The following MLLT1 variants were observed in gnomAD, a reference collection of about 807,000 sequenced individuals.
MLLT1 encodes MLLT1 super elongation complex subunit.
MLLT1 carries 11 observed loss-of-function variants against 55.1 expected under a neutral mutation model. That is an observed-to-expected ratio of 0.20 (90% confidence interval 0.13 to 0.33). MLLT1 has a LOEUF of 0.33. Among genes scored for constraint, MLLT1 ranks in the 10% least tolerant of loss-of-function variants. MLLT1 has a pLI of 1.00. For synonymous variants in MLLT1, 323 were observed against 320.1 expected, an observed-to-expected ratio of 1.01 and a Z score of -0.10; for missense variants, 536 against 760.6, an observed-to-expected ratio of 0.70 and a Z score of 3.47.
chr19:6,228,248 C>T lies in MLLT1; in HGVS notation c.421-1146G>A, dbSNP rs1477602334. Among the ~76,000 whole-genome samples, 10 of 152,352 alleles carry T rather than the reference C, an allele frequency of 6.6e-5. No individual in the cohort carries two copies. The East Asian group carries it at 9.7e-4, about 15-fold the overall frequency. On this transcript the variant is annotated intron_variant, in intron 4 of 11. Coordinates refer to ENST00000252674, the MANE Select transcript of MLLT1 (RefSeq NM_005934.4). ...GCCACAGAAGGCTGCCATGCACAGA[C>T]GGGCTTGCCAGGAGGCTGAGCCCCA...
rs1420544312 is a variant in MLLT1 at position 6,219,256 on chromosome 19, C to G, written c.1111-1215G>C. ...CAGCCCAACCCAGCCCCCTCCTGCC[C>G]CTCAAACCAGCCCCTGCCAGCGCCC... On this transcript the variant is annotated intron_variant, in intron 6 of 11. Coordinates refer to ENST00000252674, the MANE Select transcript of MLLT1 (RefSeq NM_005934.4). This position sits in a 1 kb window ranked among gnomAD's most constrained non-coding sequence, Gnocchi z 4.5. 6.6e-6 allele frequency among the ~76,000 whole-genome samples: 1 copy of G among 152,190 alleles called. No homozygotes were observed. Among genetic ancestry groups the G allele is most frequent in the Non-Finnish European group, 1.5e-5 (1 of 68,040 alleles).
Position 6,270,485 on chromosome 19 carries a change from C to T in MLLT1, c.193+94G>A. 7.3e-7 allele frequency: 1 copy of T among 1,370,676 alleles called. No individual in the cohort carries two copies. The highest frequency in any genetic ancestry group is 9.9e-7 in the Non-Finnish European group (1 of 1,011,260). The allele number at this position is 1,370,676 out of a possible 1,614,324, so 84.9% of individuals were successfully genotyped here. A position where few individuals can be genotyped will look rare whatever the true frequency, so the allele number is the denominator to read the frequency against. ...CTGGAACCTCATGGTTGGAGGGGTC[C>T]TGCTGCTCCTGAGGGAGGGGTGGAG... On this transcript the variant is annotated intron_variant, in intron 2 of 11. Coordinates refer to ENST00000252674, the MANE Select transcript of MLLT1 (RefSeq NM_005934.4). This position sits in a 1 kb window ranked among gnomAD's most constrained non-coding sequence, Gnocchi z 7.1.
chr19:6,261,438 C>T (rs114735679), intron 3 of MLLT1, among the ~76,000 whole-genome samples: 3,324 of 152,218 alleles, frequency 0.022, 136 homozygotes, highest in African/African-American at 0.076. Flanking sequence ...AAACCGGGGA[C>T]TCAGTAACCA....
intron 7 of MLLT1, chr19:6,216,745 C>T: frequency 1.8e-6 from 1 of 550,012 alleles, no homozygotes; most frequent in Non-Finnish European, 3.2e-6. Context: ...CCTTCCTGGC[C>T]CTGCTCGCAG....
chr19:6,216,349 AGCCGGAGTCGC>A, intron 8 of MLLT1, 45 bp downstream of exon 8: 1 of 1,302,824 alleles, frequency 7.7e-7, no homozygotes. Flanking sequence ...CTGCAGACCC[AGCCGGAGTCGC>A]CCCGGGTGGC....
intron 3 of MLLT1, among the ~76,000 whole-genome samples, chr19:6,237,763 CAAAAAA>C (rs1269996726): frequency 1.4e-5 from 1 of 71,764 alleles, no homozygotes; most frequent in Non-Finnish European, 3.0e-5. Flanking sequence ...ACTCTTGTCT[CAAAAAA>C]AAAAAAAAAA....
intron 7 of MLLT1, 43 bp downstream of exon 7, chr19:6,217,911 T>TC (rs771024222): frequency 6.4e-7 from 1 of 1,563,516 alleles, no homozygotes; most frequent in South Asian, 1.2e-5. Context: ...CTCCAGGCCC[T>TC]CCCCGGCCCC....
chr19:6,222,466 C>A lies in MLLT1; in HGVS notation c.765G>T (p.Lys255Asn). ...CCAGCTTGGTCTCTTTCAGGGCCAT[C>A]TTGGGTTCCTTGAAGGCAGCCTTGG... ...PPPKAAFKEP[K>N]MALKETKLES... Residue 255 changes from lysine to asparagine, a missense_variant, in exon 6 of 12, where the codon AAG becomes AAT. Physicochemically the swap from Lys to Asn is moderately conservative, Grantham distance 94. Around this residue, in one of 3 missense-constraint regions of MLLT1, gnomAD observed 449 missense variants for 489.0 expected, o/e 0.92. Coordinates refer to ENST00000252674, the MANE Select transcript of MLLT1 (RefSeq NM_005934.4). This position sits in a 1 kb window ranked among gnomAD's most constrained non-coding sequence, Gnocchi z 4.1. The A allele has an allele frequency of 6.3e-7, 1 of 1,587,528 alleles. No homozygotes were observed. The highest frequency in any genetic ancestry group is 8.5e-7 in the Non-Finnish European group (1 of 1,172,576).
chr19:6,224,964 C>T (rs961097926), intron 5 of MLLT1, among the ~76,000 whole-genome samples: 6 of 152,186 alleles, frequency 3.9e-5, no homozygotes, highest in Admixed American at 1.3e-4. Flanking sequence ...CTCCTGACCT[C>T]GTGATCCGAA....
chr19:6,264,640 C>G (rs1386155437), intron 2 of MLLT1, among the ~76,000 whole-genome samples: 1 of 152,026 alleles, frequency 6.6e-6, no homozygotes. Flanking sequence ...CACCACAGCT[C>G]ACACCTGTAA....
At chr19:6,248,548 C>T (rs2091187793) in intron 3 of MLLT1, among the ~76,000 whole-genome samples, 1 of 152,180 alleles carries the variant, frequency 6.6e-6, no homozygotes, top group African/African-American at 2.4e-5. Context: ...CCTCTGTGGT[C>T]TTCTTATGGA....
At chr19:6,271,958 G>A (rs573995182) in intron 1 of MLLT1, among the ~76,000 whole-genome samples, 3 of 152,220 alleles carry the variant, frequency 2.0e-5, no homozygotes, top group Non-Finnish European at 4.4e-5. Context: ...TCGAGGCCCC[G>A]TTCAGACCCC....
In MLLT1 at chr19:6,213,141, G is replaced by A; in HGVS notation, c.1581C>T (p.His527=). 6.2e-7 allele frequency: 1 copy of A among 1,614,026 alleles called. No homozygotes were observed. The highest frequency in any genetic ancestry group is 8.5e-7 in the Non-Finnish European group (1 of 1,179,908). ...CGAAGGTGGTGTTGGTGACATTGAA[G>A]TGGCCAGTCTCCTCGATCAGATTCA... The part of the protein sequence containing the change: ...QIVNLIEETG[H]FNVTNTTFDF... Residue 527 remains histidine (H), a synonymous_variant, in exon 12 of 12, where the codon CAC becomes CAT. Coordinates refer to ENST00000252674, the MANE Select transcript of MLLT1 (RefSeq NM_005934.4).
chr19:6,228,166 C>T lies in MLLT1; in HGVS notation c.421-1064G>A, dbSNP rs1010131869. Among the ~76,000 whole-genome samples, 7 of 152,178 alleles carry T rather than the reference C, an allele frequency of 4.6e-5. No homozygotes were observed. In the South Asian group the frequency reaches 1.0e-3, roughly 22 times the overall value. On this transcript the variant is annotated intron_variant, in intron 4 of 11. Transcript: ENST00000252674. ...TGTGCCCCAGCCGTCCCTGAAAACA[C>T]GCCACGGGAGGCCCTCCACACTCTG...
intron 5 of MLLT1, among the ~76,000 whole-genome samples, chr19:6,225,724 TC>T (rs1055850875): frequency 6.6e-6 from 1 of 152,078 alleles, no homozygotes; most frequent in African/African-American, 2.4e-5. Context: ...TCAGAGACAC[TC>T]CGGCAAAAGA....
In MLLT1 at chr19:6,277,364, T is replaced by G. The variant is rs552529034; in HGVS notation, c.12+2409A>C. Among the ~76,000 whole-genome samples the G allele has an allele frequency of 2.0e-5, 3 of 152,352 alleles. No individual in the cohort carries two copies. The South Asian group carries it at 6.2e-4, about 32-fold the overall frequency. ...GGAGACCATCACCATCGACGGAACT[T>G]TCTGCGATGATGGAAATGCATCTGC... On this transcript the variant is annotated intron_variant, in intron 1 of 11. Transcript: ENST00000252674.
In MLLT1 at chr19:6,238,459, G is replaced by A. The variant is rs538456208; in HGVS notation, c.277-7746C>T. Reference sequence around the variant, plus strand: ...AACCCTTGCGGGGAGAGAGGAGAAAGCACCCCATGCAGGCTGGCGGCTGTG... The same window carrying A: ...AACCCTTGCGGGGAGAGAGGAGAAAACACCCCATGCAGGCTGGCGGCTGTG... On this transcript the variant is annotated intron_variant, in intron 3 of 11. Transcript: ENST00000252674. 1.3e-4 allele frequency among the ~76,000 whole-genome samples: 20 copies of A among 152,348 alleles called. 1 individual carries two copies. The East Asian group carries it at 3.9e-3, about 29-fold the overall frequency.
At chr19:6,274,354 A>G (rs1374751677) in intron 1 of MLLT1, among the ~76,000 whole-genome samples, 2 of 152,202 alleles carry the variant, frequency 1.3e-5, no homozygotes, top group Non-Finnish European at 2.9e-5. Context: ...CAGCTAAGCC[A>G]ATTCCATAGC....
chr19:6,232,108 A>G (rs1298534921), intron 3 of MLLT1, among the ~76,000 whole-genome samples: 1 of 152,090 alleles, frequency 6.6e-6, no homozygotes, highest in Non-Finnish European at 1.5e-5. Flanking sequence ...TGGTGGTAGG[A>G]GCCTGTAATC....
Sources: allele counts gnomAD v4.1 joint callset (sites outside exome capture counted in the v4.1 genomes callset), GRCh38; gene constraint gnomAD v4.1.1; regional missense constraint gnomAD v4.1.1; non-coding constraint Gnocchi (gnomAD v3.1); transcripts MANE v1.5; gene names NCBI Gene and HGNC (gene_info 2026-07-23, HGNC 2026-07-21).